Variants in RASA3 observed in about 807,000 individuals in gnomAD.
RASA3 encodes the protein RAS p21 protein activator 3.
Under a neutral mutation model 110.0 loss-of-function variants are expected in RASA3, and 73 were observed. The ratio of observed to expected loss-of-function variants is 0.66; its 90% CI spans 0.55 to 0.81. The LOEUF (loss-of-function observed/expected upper bound fraction) is 0.81. Ranked by LOEUF, RASA3 falls within the 30% of genes least tolerant of loss-of-function variation. The pLI, the probability that RASA3 is intolerant of heterozygous loss-of-function variation, is 0.00. For synonymous variants in RASA3, 500 were observed against 451.4 expected (o/e 1.11, Z -1.37); for missense variants, 976 against 1,113.2 (o/e 0.88, Z 1.75).
At position 114,060,608 on chromosome 13, in the gene RASA3, C is replaced by T. The variant is rs569150375; in HGVS notation, c.174-8453G>A. Among the ~76,000 whole-genome samples, 8 of 152,356 alleles carry T rather than the reference C, an allele frequency of 5.3e-5. No homozygotes were observed. In the East Asian group the frequency reaches 5.8e-4, roughly 11 times the overall value. On this transcript the variant is annotated intron_variant, in intron 2 of 23. Transcript: ENST00000334062. ...GCTCCTGCAGGAGGTGACGGGCCTG[C>T]GGGGACGCGAAGGGCCAGGACCGGA...
chr13:114,088,929 G>T (rs1179667645), intron 1 of RASA3, among the ~76,000 whole-genome samples: 1 of 152,270 alleles, frequency 6.6e-6, no homozygotes, highest in African/African-American at 2.4e-5. Flanking sequence ...TGGAAACAAA[G>T]TAGAGACGAT....
At chr13:114,102,771 C>G (rs1251687486) in intron 1 of RASA3, among the ~76,000 whole-genome samples, 2 of 152,196 alleles carry the variant, frequency 1.3e-5, no homozygotes, top group African/African-American at 4.8e-5. Context: ...GTCCTATGGT[C>G]TCCGGGGCTT....
Position 114,029,817 on chromosome 13 carries a change from G to T in RASA3, c.443C>A (p.Ala148Asp). The change falls in exon 5 of 24, where the codon GCC becomes GAC. Residue 148 changes from alanine (A) to aspartate (D), a missense_variant. This residue lies in a region of RASA3 where 732 missense variants were observed against 779.7 expected (regional missense o/e 0.94). Transcript: ENST00000334062. The part of the protein sequence containing the change: ...TDTGVVCHKL[A>D]TRIVECQGLP... ...TAGTGAGGACGTGTCTTACCGTGTGGCGAGCTTGTGGCAGACGACCCCAGT... is the reference window on the plus strand; with the variant it reads ...TAGTGAGGACGTGTCTTACCGTGTGTCGAGCTTGTGGCAGACGACCCCAGT... The T allele has an allele frequency of 6.3e-7, 1 of 1,592,252 alleles. No homozygotes were observed. Among genetic ancestry groups the T allele is most frequent in the Non-Finnish European group, 8.5e-7 (1 of 1,169,822 alleles).
At chr13:114,018,694 G>T (rs1369268732) in intron 10 of RASA3, 69 bp downstream of exon 10, 4 of 1,573,580 alleles carry the variant, frequency 2.5e-6, no homozygotes, top group Non-Finnish European at 2.6e-6. Flanking sequence ...GTGGGCCCGG[G>T]TGTAGGGTGG....
intron 1 of RASA3, among the ~76,000 whole-genome samples, chr13:114,127,742 C>T (rs2080469214): frequency 6.6e-6 from 1 of 151,974 alleles, no homozygotes. Flanking sequence ...ACAGTGAGGC[C>T]CAGTCTCAAA....
intron 8 of RASA3, among the ~76,000 whole-genome samples, chr13:114,022,596 G>A (rs1156660131): frequency 3.9e-5 from 6 of 152,228 alleles, no homozygotes; most frequent in Admixed American, 3.9e-4. Flanking sequence ...CAGAGGCACT[G>A]GCATCTGGGC....
chr13:114,104,992 C>T (rs894109527), intron 1 of RASA3, among the ~76,000 whole-genome samples: 2 of 151,994 alleles, frequency 1.3e-5, no homozygotes, highest in East Asian at 3.9e-4. Context: ...CCCCCAGGCT[C>T]TCGGCCCCCC....
At chr13:113,979,985 ATG>A (rs35352983) in intron 23 of RASA3, among the ~76,000 whole-genome samples, 43,350 of 138,068 alleles carry the variant, frequency 0.31, 6,870 homozygotes, top group Non-Finnish European at 0.37. Flanking sequence ...ACCTCCTCCC[ATG>A]TGTGTGCACC....
At chr13:114,127,298 C>T (rs947912083) in intron 1 of RASA3, among the ~76,000 whole-genome samples, 3 of 152,224 alleles carry the variant, frequency 2.0e-5, no homozygotes, top group Non-Finnish European at 4.4e-5. Flanking sequence ...CCGGGGTCCA[C>T]ACTCTGCCCA....
chr13:114,004,117 G>C (rs2053462534), intron 18 of RASA3, among the ~76,000 whole-genome samples: 1 of 152,220 alleles, frequency 6.6e-6, no homozygotes, highest in Non-Finnish European at 1.5e-5. Flanking sequence ...AAGAAAAATA[G>C]CAATGTAAGT....
intron 1 of RASA3, 28 bp downstream of exon 1, chr13:114,132,407 G>C: frequency 1.3e-6 from 2 of 1,504,960 alleles, no homozygotes; most frequent in Non-Finnish European, 1.8e-6. Context: ...CCGGGGGGTC[G>C]GACGCGTGGC....
chr13:113,995,564 T>C (rs1048586153), intron 21 of RASA3, among the ~76,000 whole-genome samples: 16 of 152,092 alleles, frequency 1.1e-4, no homozygotes, highest in Non-Finnish European at 8.8e-5. Context: ...CCGGCAGATA[T>C]GACCCAAGCC....
rs893512426 is a variant in RASA3 at position 114,132,555 on chromosome 13, G to A, written c.-66C>T. ...GCCGAGCCCGGGCAGCTCAGGCCGA[G>A]CAGGAGGAGCGGCGGCGCCGGAGCC... On this transcript the variant is annotated 5_prime_UTR_variant, in exon 1 of 24. Transcript: ENST00000334062. The A allele has an allele frequency of 8.0e-7, 1 of 1,252,096 alleles. No individual in the cohort carries two copies. The highest frequency in any genetic ancestry group is 1.0e-6 in the Non-Finnish European group (1 of 996,718). The allele number at this position is 1,252,096 out of a possible 1,614,324, so 77.6% of individuals were successfully genotyped here. A position where few individuals can be genotyped will look rare whatever the true frequency, so the allele number is the denominator to read the frequency against.
chr13:114,015,139 C>A (rs1336284267), intron 14 of RASA3, 70 bp downstream of exon 14: 2 of 1,586,988 alleles, frequency 1.3e-6, no homozygotes, highest in African/African-American at 1.3e-5. Flanking sequence ...GGGGTTCTGC[C>A]TGGGTGGGAG....
intron 1 of RASA3, among the ~76,000 whole-genome samples, chr13:114,100,683 C>G (rs1007746748): frequency 5.3e-5 from 8 of 152,202 alleles, no homozygotes; most frequent in Admixed American, 3.3e-4. Flanking sequence ...CAAACAGCCT[C>G]AACTCGGAAA....
At chr13:114,126,917 G>A (rs1039350968) in intron 1 of RASA3, among the ~76,000 whole-genome samples, 1 of 151,984 alleles carries the variant, frequency 6.6e-6, no homozygotes, top group South Asian at 2.1e-4. Context: ...TTCCAAGTGG[G>A]TTCGCTACGT....
At position 114,040,658 on chromosome 13, in the gene RASA3, G is replaced by A. The variant is rs113154654; in HGVS notation, c.372+342C>T. Among the ~76,000 whole-genome samples the A allele has an allele frequency of 6.2e-3, 782 of 126,782 alleles. 103 individuals are homozygous for A. Among genetic ancestry groups the A allele is most frequent in the African/African-American group, 0.021 (531 of 25,524 alleles). The allele number at this position is 126,782 out of a possible 152,430, so 83.2% of individuals were successfully genotyped here. On this transcript the variant is annotated intron_variant, in intron 4 of 23. Transcript: ENST00000334062. ...ACCCAAAATCCATGGCAGAGCCTGC[G>A]CTCACTCCGAGCACAAGCAGGCAAA...
rs761713327 is a variant in RASA3 at position 114,024,324 on chromosome 13, G to C, written c.635C>G (p.Ser212Cys). The C allele has an allele frequency of 6.2e-7, 1 of 1,613,940 alleles. No homozygotes were observed. Among genetic ancestry groups the C allele is most frequent in the South Asian group, 1.1e-5 (1 of 91,070 alleles). ...GTCTTCCTCCTCAAAGTCAAAGTGG[G>C]ACTTCTTGCTGTAGCTACAGGGCCG... is the stretch of plus-strand genomic sequence containing the variant. ...VTRPCSYSKK[S>C]HFDFEEEDVD... Residue 212 changes from serine (S) to cysteine (C), a missense_variant, in exon 8 of 24, where the codon TCC becomes TGC. By Grantham distance (112) the Ser-to-Cys change is moderately radical (BLOSUM62 -1). This residue lies in a region of RASA3 where 732 missense variants were observed against 779.7 expected (regional missense o/e 0.94). Transcript: ENST00000334062.
intron 1 of RASA3, among the ~76,000 whole-genome samples, chr13:114,124,354 T>G (rs923813158): frequency 6.6e-6 from 1 of 152,210 alleles, no homozygotes; most frequent in African/African-American, 2.4e-5. Context: ...AACTACTATT[T>G]TTGAGAAAAT....
Sources: gnomAD v4.1 joint callset for allele counts (sites outside exome capture counted in the v4.1 genomes callset) on GRCh38, gnomAD v4.1.1 for gene constraint, gnomAD v4.1.1 regional missense constraint, MANE v1.5 for transcripts, NCBI Gene and HGNC (gene_info 2026-07-23, HGNC 2026-07-21) for gene names.